Variants in SNPH observed in about 807,000 individuals in gnomAD.
SNPH encodes syntaphilin.
Under a neutral mutation model 36.8 loss-of-function variants are expected in SNPH, and 10 were observed. That is an observed-to-expected ratio of 0.27 (90% CI 0.17 to 0.46). SNPH has a LOEUF of 0.46. Among genes scored for constraint, SNPH ranks in the 20% least tolerant of loss-of-function variants. The pLI is 1.00. For missense variants in SNPH, 622 were observed against 744.0 expected (o/e 0.84, Z 1.91); for synonymous variants, 281 against 312.2 (o/e 0.90, Z 1.05).
intron 2 of SNPH, among the ~76,000 whole-genome samples, chr20:1,269,300 A>C (rs2088045144): frequency 6.6e-6 from 1 of 152,176 alleles, no homozygotes; most frequent in South Asian, 2.1e-4. Context: ...GATTTTGTTA[A>C]ATAAAAATCA....
At chr20:1,283,038 G>A (rs182955639) in intron 2 of SNPH, among the ~76,000 whole-genome samples, 4 of 152,134 alleles carry the variant, frequency 2.6e-5, no homozygotes, top group African/African-American at 7.2e-5. Flanking sequence ...TTACAAGGTC[G>A]GGGAGATCAG....
At position 1,294,661 on chromosome 20, in the gene SNPH, A is replaced by G. The variant is rs527470008; in HGVS notation, c.-492-290A>G. On this transcript the variant is annotated intron_variant, in intron 2 of 6. Transcript: ENST00000381867. The surrounding 1 kb of genome is among the most constrained non-coding windows in gnomAD (Gnocchi z 4.4). ...CCTCCAGGGGAACAGGCTGTGTTCT[A>G]TGTCCCCGCCAGGAAACAGGCCATC... Among the ~76,000 whole-genome samples, 4 of 152,292 alleles carry G rather than the reference A, an allele frequency of 2.6e-5. No homozygotes were observed. In the South Asian group the frequency reaches 8.3e-4, roughly 32 times the overall value.
At chr20:1,273,242 T>G (rs2088093118) in intron 2 of SNPH, among the ~76,000 whole-genome samples, 1 of 152,102 alleles carries the variant, frequency 6.6e-6, no homozygotes, top group Admixed American at 6.5e-5. Context: ...CCTAGAGTGT[T>G]CTTAGAGAAG....
chr20:1,287,849 G>A (rs1035321929), intron 2 of SNPH, among the ~76,000 whole-genome samples: 6 of 152,220 alleles, frequency 3.9e-5, no homozygotes, highest in Non-Finnish European at 7.3e-5. Flanking sequence ...TATCAGTCAG[G>A]AAGCCCAGGG....
At chr20:1,295,574 C>T (rs1344761778) in intron 3 of SNPH, among the ~76,000 whole-genome samples, 1 of 152,246 alleles carries the variant, frequency 6.6e-6, no homozygotes, top group Non-Finnish European at 1.5e-5. Flanking sequence ...TGGGTGGGTG[C>T]GGACATGCCT....
intron 2 of SNPH, among the ~76,000 whole-genome samples, chr20:1,275,996 C>A (rs1209380081): frequency 6.6e-6 from 1 of 152,184 alleles, no homozygotes; most frequent in African/African-American, 2.4e-5. Context: ...TTCAGGGGAC[C>A]CACTTCCAAC....
At chr20:1,282,842 C>T (rs1320071138) in intron 2 of SNPH, among the ~76,000 whole-genome samples, 3 of 152,156 alleles carry the variant, frequency 2.0e-5, no homozygotes, top group Admixed American at 6.5e-5. Flanking sequence ...AGTTAAAGCT[C>T]GTGGTCAGCC....
In SNPH at chr20:1,295,969, A is replaced by G. The variant is rs2088425161; in HGVS notation, c.-271A>G. On this transcript the variant is annotated 5_prime_UTR_variant, in exon 4 of 7. Transcript: ENST00000381867. ...TGGGGAAGAAGCAGGCCTGGCTCGT[A>G]GAGTAGAAGACTCGGTGCCGGCAGT... 5 of 428,350 alleles carry G rather than the reference A, an allele frequency of 1.2e-5. No homozygotes were observed. The highest frequency in any genetic ancestry group is 2.0e-5 in the Non-Finnish European group (5 of 245,222). The allele number at this position is 428,350 out of a possible 1,614,324, so 26.5% of individuals were successfully genotyped here.
chr20:1,270,843 G>A (rs1288310786), intron 2 of SNPH, among the ~76,000 whole-genome samples: 1 of 152,186 alleles, frequency 6.6e-6, no homozygotes, highest in Non-Finnish European at 1.5e-5. Context: ...ACTCAGCAGG[G>A]CTTGGTTCAT....
At chr20:1,273,928 GA>G (rs994071819) in intron 2 of SNPH, among the ~76,000 whole-genome samples, 43 of 152,302 alleles carry the variant, frequency 2.8e-4, no homozygotes, top group Admixed American at 2.5e-3. Context: ...CCTACACTTA[GA>G]TGCCAGTCTC....
At chr20:1,303,405 G>A (rs1600265512) in intron 6 of SNPH, among the ~76,000 whole-genome samples, 1 of 152,232 alleles carries the variant, frequency 6.6e-6, no homozygotes, top group Non-Finnish European at 1.5e-5. Flanking sequence ...AGCAGATCAT[G>A]CCCAGTTCCT....
chr20:1,288,572 A>G (rs1274268805), intron 2 of SNPH, among the ~76,000 whole-genome samples: 2 of 151,692 alleles, frequency 1.3e-5, no homozygotes, highest in African/African-American at 2.4e-5. Flanking sequence ...TTAGAGGAAC[A>G]GGGAAAGTCA....
At chr20:1,283,150 G>A (rs1384868853) in intron 2 of SNPH, among the ~76,000 whole-genome samples, 1 of 152,172 alleles carries the variant, frequency 6.6e-6, no homozygotes, top group African/African-American at 2.4e-5. Flanking sequence ...TTCCTGAAAA[G>A]GATTTCCCCC....
At chr20:1,288,057 C>T (rs746197525) in intron 2 of SNPH, among the ~76,000 whole-genome samples, 1 of 152,216 alleles carries the variant, frequency 6.6e-6, no homozygotes, top group African/African-American at 2.4e-5. Flanking sequence ...ACTCCCTACC[C>T]AGACGGGAGG....
chr20:1,266,533 C>G lies in SNPH; in HGVS notation c.-599-121C>G. The G allele has an allele frequency of 7.5e-7, 1 of 1,334,692 alleles. No homozygotes were observed. The highest frequency in any genetic ancestry group is 9.7e-7 in the Non-Finnish European group (1 of 1,034,152). 82.7% of individuals were successfully genotyped at this position (1,334,692 alleles called of 1,614,324 possible). The stretch of plus-strand genomic sequence containing the variant: ...AGGGGACGGAGCACCCGGCAGGCAG[C>G]CTGCCCTCCAAGCCTTCTGGCTGCA... On this transcript the variant is annotated intron_variant, in intron 1 of 6. Coordinates refer to ENST00000381867, the MANE Select transcript of SNPH (RefSeq NM_001318234.2). The surrounding 1 kb of genome is among the most constrained non-coding windows in gnomAD (Gnocchi z 6.0).
intron 2 of SNPH, among the ~76,000 whole-genome samples, chr20:1,278,400 C>T (rs2088178357): frequency 6.6e-6 from 1 of 152,152 alleles, no homozygotes; most frequent in Non-Finnish European, 1.5e-5. Context: ...AGTTGATATA[C>T]AAGCTTCACA....
Position 1,305,111 on chromosome 20 carries a change from T to G in SNPH, c.674T>G (p.Leu225Arg). The G allele has an allele frequency of 6.2e-7, 1 of 1,613,916 alleles. No homozygotes were observed. Among genetic ancestry groups the G allele is most frequent in the Non-Finnish European group, 8.5e-7 (1 of 1,180,026 alleles). The change falls in exon 7 of 7, where the codon CTG (leucine) becomes CGG (arginine). Residue 225 changes from leucine (L) to arginine (R), a missense_variant. Coordinates refer to ENST00000381867, the MANE Select transcript of SNPH (RefSeq NM_001318234.2). ...CAGAACAAGAAGCTGGAGACGCTGC[T>G]GCACAGCATGGAGGTGGCCCAGAAT... Reference protein sequence around the residue: ...NIQNKKLETLLHSMEVAQNGM... With the variant: ...NIQNKKLETLRHSMEVAQNGM...
intron 2 of SNPH, among the ~76,000 whole-genome samples, chr20:1,290,332 C>T (rs1158614721): frequency 6.6e-6 from 1 of 152,192 alleles, no homozygotes; most frequent in East Asian, 1.9e-4. Flanking sequence ...AAAAAAGAAA[C>T]TCCATTCCCA....
chr20:1,267,334 T>C (rs981524466), intron 2 of SNPH, among the ~76,000 whole-genome samples: 4 of 152,160 alleles, frequency 2.6e-5, no homozygotes, highest in African/African-American at 4.8e-5. Flanking sequence ...TCTGGGCTGT[T>C]TGCAACACCT....
Sources: gnomAD v4.1 joint callset for allele counts (sites outside exome capture counted in the v4.1 genomes callset) on GRCh38, gnomAD v4.1.1 for gene constraint, Gnocchi (gnomAD v3.1) non-coding constraint, MANE v1.5 for transcripts, NCBI Gene and HGNC (gene_info 2026-07-23, HGNC 2026-07-21) for gene names.